The following ADAMTS6 variants were observed in gnomAD, a reference collection of about 807,000 sequenced individuals.
ADAMTS6 encodes A disintegrin and metalloproteinase with thrombospondin motifs 6.
Under a neutral mutation model 144.3 loss-of-function variants are expected in ADAMTS6, and 23 were observed. That is an observed-to-expected ratio of 0.16 (90% CI 0.11 to 0.23). The LOEUF is 0.23. ADAMTS6 is among the 10% of genes least tolerant of loss of function. The pLI is 1.00. For synonymous variants in ADAMTS6, 444 were observed against 457.5 expected, an observed-to-expected ratio of 0.97 and a Z score of 0.38; for missense variants, 999 against 1,379.6, an observed-to-expected ratio of 0.72 and a Z score of 4.37.
chr5:65,279,855 T>C (rs1762856226), intron 11 of ADAMTS6, among the ~76,000 whole-genome samples: 3 of 152,240 alleles, frequency 2.0e-5, no homozygotes, highest in African/African-American at 7.2e-5. Flanking sequence ...TTAATCTTCC[T>C]ATCTGTCAAC....
chr5:65,219,258 T>C (rs1011838241), intron 18 of ADAMTS6, among the ~76,000 whole-genome samples: 3 of 152,206 alleles, frequency 2.0e-5, no homozygotes, highest in Non-Finnish European at 2.9e-5. Flanking sequence ...TTATTACCTA[T>C]GTCTGCTTTC....
intron 9 of ADAMTS6, among the ~76,000 whole-genome samples, chr5:65,307,798 CTT>C (rs1292245227): frequency 1.3e-5 from 2 of 152,202 alleles, no homozygotes; most frequent in Non-Finnish European, 2.9e-5. Context: ...ACAAGACACT[CTT>C]TTATATCCCA....
At chr5:65,364,712 G>A (rs1278149323) in intron 7 of ADAMTS6, among the ~76,000 whole-genome samples, 1 of 151,560 alleles carries the variant, frequency 6.6e-6, no homozygotes, top group South Asian at 2.1e-4. Context: ...GACTACAGGC[G>A]CCCGTCACTG....
intron 20 of ADAMTS6, among the ~76,000 whole-genome samples, chr5:65,197,597 A>T (rs1223414128): frequency 6.6e-6 from 1 of 152,192 alleles, no homozygotes; most frequent in East Asian, 1.9e-4. Context: ...TGTAGAACAA[A>T]TCCCATCTAT....
chr5:65,214,219 G>A lies in ADAMTS6; in HGVS notation c.2575+575C>T, dbSNP rs532365100. On this transcript the variant is annotated intron_variant, in intron 20 of 24. Coordinates refer to ENST00000381055, the MANE Select transcript of ADAMTS6 (RefSeq NM_197941.4). The surrounding 1 kb of genome is among the most constrained non-coding windows in gnomAD (Gnocchi z 4.6). ...GACAACCAACACATCACCAACCACC[G>A]CCTAGCAGCTACCTCTGAGGGACTG... is the stretch of plus-strand genomic sequence containing the variant. 15 of 179,446 alleles carry A rather than the reference G, an allele frequency of 8.4e-5. No individual in the cohort carries two copies. The highest frequency in any genetic ancestry group is 1.9e-4 in the Non-Finnish European group (14 of 73,894). The allele number at this position is 179,446 out of a possible 1,614,324, so 11.1% of individuals were successfully genotyped here.
intron 15 of ADAMTS6, among the ~76,000 whole-genome samples, chr5:65,230,187 T>C (rs74944458): frequency 0.011 from 1,625 of 150,638 alleles, 81 homozygotes; most frequent in Admixed American, 0.081. Context: ...CAAATTTTTG[T>C]ATATGATTGA....
intron 7 of ADAMTS6, among the ~76,000 whole-genome samples, chr5:65,437,121 G>A (rs1245502743): frequency 1.3e-5 from 2 of 148,646 alleles, no homozygotes; most frequent in Non-Finnish European, 3.0e-5. Context: ...TTGAGACAGA[G>A]TCTCGCTCTG....
At chr5:65,436,861 A>G (rs1757456615) in intron 7 of ADAMTS6, among the ~76,000 whole-genome samples, 1 of 151,926 alleles carries the variant, frequency 6.6e-6, no homozygotes, top group Non-Finnish European at 1.5e-5. Context: ...CTGTCTCAAA[A>G]AAAAAAAAAA....
At chr5:65,425,514 C>T (rs1041409477) in intron 7 of ADAMTS6, among the ~76,000 whole-genome samples, 2 of 152,158 alleles carry the variant, frequency 1.3e-5, no homozygotes, top group Non-Finnish European at 2.9e-5. Context: ...TTTGACTACT[C>T]CCTCTTGGCT....
In ADAMTS6 at chr5:65,273,398, G is replaced by A; in HGVS notation, c.1562C>T (p.Thr521Ile). Residue 521 changes from threonine to isoleucine, a missense_variant, in exon 12 of 25, where the codon ACC becomes ATC. This residue lies in a region of ADAMTS6 where 619 missense variants were observed against 837.0 expected (regional missense o/e 0.74). Transcript: ENST00000381055. Reference protein sequence around the residue: ...WCLSKSNRCVTNSIPAAEGTL... With the variant: ...WCLSKSNRCVINSIPAAEGTL... ...CCCCTCAGCTGCTGGAATACTGTTG[G>A]TGACACAGCGGTTGCTTTTGCTGAG... 1 of 1,613,982 alleles carries A rather than the reference G, an allele frequency of 6.2e-7. No homozygotes were observed. The highest frequency in any genetic ancestry group is 8.5e-7 in the Non-Finnish European group (1 of 1,179,884).
chr5:65,224,833 G>T (rs1757602462), intron 17 of ADAMTS6, 91 bp downstream of exon 17: 1 of 1,425,804 alleles, frequency 7.0e-7, no homozygotes, highest in Non-Finnish European at 9.3e-7. Flanking sequence ...CCTAAATAAA[G>T]AAATCTGAAA....
intron 11 of ADAMTS6, among the ~76,000 whole-genome samples, chr5:65,284,232 T>C (rs549191208): frequency 1.3e-5 from 2 of 152,210 alleles, no homozygotes; most frequent in Admixed American, 6.5e-5. Context: ...TCAGTTTTTA[T>C]TAAATACTCT....
At chr5:65,292,832 C>G in intron 10 of ADAMTS6, among the ~76,000 whole-genome samples, 1 of 151,970 alleles carries the variant, frequency 6.6e-6, no homozygotes, top group East Asian at 1.9e-4. Context: ...TTTGTCACTG[C>G]TCAAGGTATC....
At chr5:65,197,718 G>A (rs1211018484) in intron 20 of ADAMTS6, among the ~76,000 whole-genome samples, 1 of 152,104 alleles carries the variant, frequency 6.6e-6, no homozygotes, top group Non-Finnish European at 1.5e-5. Context: ...ATTGCAGTGG[G>A]CCTCTTTTGG....
intron 7 of ADAMTS6, among the ~76,000 whole-genome samples, chr5:65,340,395 T>G (rs542666975): frequency 1.3e-5 from 2 of 151,924 alleles, no homozygotes; most frequent in South Asian, 4.2e-4. Flanking sequence ...CATCTGGAAA[T>G]CAAAAAATAA....
chr5:65,215,012 GA>G lies in ADAMTS6; in HGVS notation c.2437-81del. 2.0e-6 allele frequency: 3 copies of G among 1,495,520 alleles called. No homozygotes were observed. The South Asian group carries it at 4.0e-5, about 20-fold the overall frequency. 92.6% of individuals were successfully genotyped at this position (1,495,520 alleles called of 1,614,324 possible). The stretch of plus-strand genomic sequence containing the variant: ...GATATTTATTATTCCTTTTGAAGAA[GA>G]AAATGTCAAAACAAGTCTTACAGGA... On this transcript the variant is annotated intron_variant, in intron 19 of 24. Coordinates refer to ENST00000381055, the MANE Select transcript of ADAMTS6 (RefSeq NM_197941.4).
chr5:65,154,595 T>C (rs984006512), intron 24 of ADAMTS6, among the ~76,000 whole-genome samples: 12 of 152,186 alleles, frequency 7.9e-5, no homozygotes, highest in African/African-American at 2.9e-4. Flanking sequence ...CTGCCTCTTC[T>C]AGGAGTTGAT....
chr5:65,194,306 T>C (rs1416002295), intron 21 of ADAMTS6, among the ~76,000 whole-genome samples: 1 of 152,208 alleles, frequency 6.6e-6, no homozygotes, highest in African/African-American at 2.4e-5. Flanking sequence ...CCTAGCAATA[T>C]GAGGTACAAT....
At chr5:65,367,309 G>C (rs548879525) in intron 7 of ADAMTS6, among the ~76,000 whole-genome samples, 3 of 152,152 alleles carry the variant, frequency 2.0e-5, no homozygotes, top group Admixed American at 2.0e-4. Context: ...TCCTGAGCTA[G>C]AATAAATCAT....
Sources: allele counts gnomAD v4.1 joint callset (sites outside exome capture counted in the v4.1 genomes callset), GRCh38; gene constraint gnomAD v4.1.1; regional missense constraint gnomAD v4.1.1; non-coding constraint Gnocchi (gnomAD v3.1); transcripts MANE v1.5; gene names NCBI Gene and HGNC (gene_info 2026-07-23, HGNC 2026-07-21).